The following GGA2 variants were observed in gnomAD, a reference collection of about 807,000 sequenced individuals.
The protein encoded by GGA2 is ADP-ribosylation factor-binding protein GGA2.
Under a neutral mutation model 79.5 loss-of-function variants are expected in GGA2, and 48 were observed. The ratio of observed to expected loss-of-function variants is 0.60; its 90% confidence interval spans 0.48 to 0.77. The LOEUF (loss-of-function observed/expected upper bound fraction) is 0.77, where lower values mean the gene tolerates loss of function less well. GGA2 is among the 30% of genes least tolerant of loss of function. The pLI, the probability that GGA2 is intolerant of heterozygous loss-of-function variation, is 0.00. For synonymous variants in GGA2, 317 were observed against 302.0 expected (o/e 1.05, Z -0.51); for missense variants, 770 against 774.0 (o/e 0.99, Z 0.06).
chr16:23,480,658 G>A lies in GGA2; in HGVS notation c.993C>T (p.Ile331=), dbSNP rs1279668091. The A allele has an allele frequency of 1.9e-6, 3 of 1,612,194 alleles. No homozygotes were observed. The highest frequency in any genetic ancestry group is 1.7e-4 in the Middle Eastern group (1 of 6,026). Reference sequence around the variant, plus strand: ...TTTCAAACATACCTCTGGAGACAGGGATGTCTCCCAATGAGCTGGTCACTC... The same window carrying A: ...TTTCAAACATACCTCTGGAGACAGGAATGTCTCCCAATGAGCTGGTCACTC... The part of the protein sequence containing the change: ...GNRVTSSLGD[I]PVSRVFQNPA... The change falls in exon 10 of 17, where the codon ATC becomes ATT. Residue 331 remains isoleucine (I), a synonymous_variant. Transcript: ENST00000309859.
chr16:23,500,773 T>C (rs1029235165), intron 1 of GGA2: 3 of 164,266 alleles, frequency 1.8e-5, no homozygotes, highest in African/African-American at 7.2e-5. Context: ...CCAGTCGGAT[T>C]TAGGAGCCCG....
In GGA2 at chr16:23,470,086, C is replaced by G; in HGVS notation, c.1530G>C (p.Gly510=). ...AGAGCAGCACCTGTACCTCTGGGTG[C>G]CCAGGGGCTCCCGTCTGGGAGAAGT... is the stretch of plus-strand genomic sequence containing the variant. The part of the protein sequence containing the change: ...LLHFSQTGAP[G]HPEVQVLLLT... The change falls in exon 15 of 17, where the codon GGG becomes GGC. Residue 510 remains glycine, a synonymous_variant. Coordinates refer to ENST00000309859, the MANE Select transcript of GGA2 (RefSeq NM_015044.4). 6.2e-7 allele frequency: 1 copy of G among 1,609,964 alleles called. No individual in the cohort carries two copies. Among genetic ancestry groups the G allele is most frequent in the Non-Finnish European group, 8.5e-7 (1 of 1,178,150 alleles).
rs1223530669 is a variant in GGA2, at chr16:23,475,007, G to A, written c.1347C>T (p.Ser449=). The A allele has an allele frequency of 3.7e-6, 6 of 1,609,830 alleles. No homozygotes were observed. The highest frequency in any genetic ancestry group is 1.7e-4 in the Middle Eastern group (1 of 6,044). ...VPKEVPPGTK[S]SPGWSWEAGP... ...CAGCCTCCCAGGACCAACCTGGAGA[G>A]GACTTAGTACCTGGTGGCACTTCCT... is the stretch of plus-strand genomic sequence containing the variant. Residue 449 remains serine, a synonymous_variant, in exon 14 of 17, where the codon TCC becomes TCT. Coordinates refer to ENST00000309859, the MANE Select transcript of GGA2 (RefSeq NM_015044.4).
At chr16:23,512,105 T>C (rs1225268013), upstream of GGA2, among the ~76,000 whole-genome samples, 1 of 152,216 alleles carries the variant, frequency 6.6e-6, no homozygotes, top group African/African-American at 2.4e-5. Context: ...TCAGTAGGGA[T>C]GGCACCATGT....
chr16:23,485,527 A>T (rs190447073), intron 8 of GGA2, among the ~76,000 whole-genome samples: 29 of 152,326 alleles, frequency 1.9e-4, no homozygotes, highest in African/African-American at 7.0e-4. Context: ...ACATTTACCC[A>T]TAAGAAATGA....
chr16:23,468,201 T>C (rs143169737), intron 16 of GGA2, among the ~76,000 whole-genome samples: 1 of 152,240 alleles, frequency 6.6e-6, no homozygotes, highest in East Asian at 1.9e-4. Flanking sequence ...ATCTATTTGA[T>C]AGAGTCTCGC....
chr16:23,493,647 T>C (rs182442094), intron 3 of GGA2, 189 bp from the exon 4 acceptor site: 14 of 576,290 alleles, frequency 2.4e-5, no homozygotes, highest in African/African-American at 2.1e-4. Flanking sequence ...CTGTTCAATC[T>C]TGCTATAACT....
chr16:23,486,116 T>G lies in GGA2; in HGVS notation c.697A>C (p.Ser233Arg), dbSNP rs567413126. 1 of 1,613,756 alleles carries G rather than the reference T, an allele frequency of 6.2e-7. No homozygotes were observed. Among genetic ancestry groups the G allele is most frequent in the South Asian group, 1.1e-5 (1 of 91,080 alleles). ...TGGCTTCGCACTTCCTCCACCGCAC[T>G]GACCCTCTTGGACACCTTCTCCGAT... ...EKSEKVSKRV[S>R]AVEEVRSHVK... The change falls in exon 8 of 17, where the codon AGT becomes CGT. Residue 233 changes from serine to arginine, a missense_variant. Coordinates refer to ENST00000309859, the MANE Select transcript of GGA2 (RefSeq NM_015044.4).
rs1964450632 is a variant in GGA2, at chr16:23,467,381, TC to T, written c.*208del. On this transcript the variant is annotated 3_prime_UTR_variant, in exon 17 of 17. Coordinates refer to ENST00000309859, the MANE Select transcript of GGA2 (RefSeq NM_015044.4). ...TCCCAAGCCCTGTGCTACCACCCTC[TC>T]CCCGAACACACACACACACACACAC... is the stretch of plus-strand genomic sequence containing the variant. The T allele has an allele frequency of 5.9e-6, 2 of 338,800 alleles. No homozygotes were observed. The highest frequency in any genetic ancestry group is 1.0e-4 in the East Asian group (2 of 19,776). 21.0% of individuals were successfully genotyped at this position (338,800 alleles called of 1,614,324 possible). A position where few individuals can be genotyped will look rare whatever the true frequency, so the allele number is the denominator to read the frequency against.
intron 8 of GGA2, among the ~76,000 whole-genome samples, chr16:23,485,360 C>T (rs889849344): frequency 6.6e-6 from 1 of 152,110 alleles, no homozygotes; most frequent in African/African-American, 2.4e-5. Flanking sequence ...CATAAAGATG[C>T]TATATAAAAA....
chr16:23,474,142 GAGA>G (rs1964548202), intron 14 of GGA2, among the ~76,000 whole-genome samples: 1 of 152,176 alleles, frequency 6.6e-6, no homozygotes, highest in Non-Finnish European at 1.5e-5. Context: ...AGGATCCCTA[GAGA>G]AGGAGGATCA....
At chr16:23,507,257 A>T (rs1408830392) in intron 1 of GGA2, among the ~76,000 whole-genome samples, 1 of 152,226 alleles carries the variant, frequency 6.6e-6, no homozygotes, top group African/African-American at 2.4e-5. Context: ...CCTGAAAAAC[A>T]GGAAGATCTA....
intron 1 of GGA2, among the ~76,000 whole-genome samples, chr16:23,504,696 C>G (rs1225219443): frequency 3.3e-5 from 5 of 152,342 alleles, no homozygotes; most frequent in Non-Finnish European, 4.4e-5. Flanking sequence ...AGGGGCCAGA[C>G]AGGGCACGGC....
At chr16:23,490,495 GA>G (rs1964768632) in intron 5 of GGA2, among the ~76,000 whole-genome samples, 1 of 152,046 alleles carries the variant, frequency 6.6e-6, no homozygotes, top group Admixed American at 6.5e-5. Flanking sequence ...AGCACTTTGG[GA>G]GGCTGAGGCA....
Position 23,465,374 on chromosome 16 carries a change from C to A in GGA2, c.*2216G>T, listed in dbSNP as rs1964422612. The A allele has an allele frequency of 1.0e-5, 7 of 702,822 alleles. No homozygotes were observed. The highest frequency in any genetic ancestry group is 1.5e-5 in the South Asian group (1 of 67,602). 43.5% of individuals were successfully genotyped at this position (702,822 alleles called of 1,614,324 possible). ...GATTAGAAGGGAGTGATGCCATAAA[C>A]CACAGCCACTTTCAGGACAGCAGCC... On this transcript the variant is annotated 3_prime_UTR_variant, in exon 17 of 17. Coordinates refer to ENST00000309859, the MANE Select transcript of GGA2 (RefSeq NM_015044.4).
At chr16:23,514,443 T>C (rs1965092163), upstream of GGA2, among the ~76,000 whole-genome samples, 1 of 151,888 alleles carries the variant, frequency 6.6e-6, no homozygotes, top group Admixed American at 6.6e-5. Flanking sequence ...GTTATGCTTT[T>C]CTCTTGTTAG....
At chr16:23,477,259 C>G (rs1964586749) in intron 13 of GGA2, among the ~76,000 whole-genome samples, 1 of 152,122 alleles carries the variant, frequency 6.6e-6, no homozygotes, top group African/African-American at 2.4e-5. Context: ...TGTCCCCACC[C>G]AAATCTCATC....
At chr16:23,514,350 C>T (rs549950719), upstream of GGA2, among the ~76,000 whole-genome samples, 30 of 152,216 alleles carry the variant, frequency 2.0e-4, no homozygotes, top group African/African-American at 6.7e-4. Context: ...TCAAATGATC[C>T]GCCCACCTCA....
At chr16:23,490,332 C>T (rs924859604) in intron 5 of GGA2, among the ~76,000 whole-genome samples, 1 of 152,238 alleles carries the variant, frequency 6.6e-6, no homozygotes, top group African/African-American at 2.4e-5. Flanking sequence ...AACTCCTTAC[C>T]TCACTGATGG....
Sources: allele counts gnomAD v4.1 joint callset (sites outside exome capture counted in the v4.1 genomes callset), GRCh38; gene constraint gnomAD v4.1.1; transcripts MANE v1.5; gene names NCBI Gene and HGNC (gene_info 2026-07-23, HGNC 2026-07-21).